The following PDE1C variants were observed in gnomAD, a reference collection of about 807,000 sequenced individuals.
PDE1C encodes the protein phosphodiesterase 1C.
In PDE1C, 62 loss-of-function variants were observed where a neutral mutation model predicts 93.1. The observed-to-expected ratio is 0.67, with a 90% confidence interval of 0.54 to 0.82. The LOEUF is 0.82. PDE1C is among the 40% of genes least tolerant of loss of function. PDE1C has a pLI of 0.00. For missense variants in PDE1C, 742 were observed against 884.6 expected (o/e 0.84, Z 2.04); for synonymous variants, 325 against 310.1 (o/e 1.05, Z -0.50).
At chr7:32,141,271 G>A (rs889373719) in intron 3 of PDE1C, among the ~76,000 whole-genome samples, 2 of 152,164 alleles carry the variant, frequency 1.3e-5, no homozygotes, top group Non-Finnish European at 2.9e-5. Context: ...GTTCAATGCT[G>A]TAATGTGCTA....
upstream of PDE1C, among the ~76,000 whole-genome samples, chr7:32,075,527 G>A (rs905068229): frequency 5.9e-5 from 9 of 152,024 alleles, no homozygotes; most frequent in African/African-American, 9.7e-5. Context: ...TCCCTCTGAC[G>A]TCTTTTTCTG....
chr7:32,347,447 G>A (rs1443733185), intron 1 of PDE1C, among the ~76,000 whole-genome samples: 2 of 151,868 alleles, frequency 1.3e-5, no homozygotes, highest in African/African-American at 4.8e-5. Context: ...CCTGCCCCCT[G>A]GTGGTCATGC....
In PDE1C at chr7:31,890,841, G is replaced by T. The variant is rs140669050; in HGVS notation, c.129-9981C>A. 1.4e-3 allele frequency among the ~76,000 whole-genome samples: 208 copies of T among 151,766 alleles called. 2 individuals carry two copies. The highest frequency in any genetic ancestry group is 4.8e-3 in the African/African-American group (199 of 41,110). Reference sequence around the variant, plus strand: ...TAGGAAAAAAACCTCAAAGAAAACCGTGAGAAACCTCTAAGGTGACCTGAG... The same window carrying T: ...TAGGAAAAAAACCTCAAAGAAAACCTTGAGAAACCTCTAAGGTGACCTGAG... On this transcript the variant is annotated intron_variant, in intron 2 of 17. Coordinates refer to ENST00000396191, the MANE Select transcript of PDE1C (RefSeq NM_001191057.4).
chr7:32,259,392 G>A (rs1014181070), intron 1 of PDE1C, among the ~76,000 whole-genome samples: 5 of 152,106 alleles, frequency 3.3e-5, no homozygotes, highest in African/African-American at 1.2e-4. Context: ...AAAGGTACAG[G>A]ACAAATGTCT....
At chr7:32,391,340 A>G (rs1336117680) in intron 1 of PDE1C, among the ~76,000 whole-genome samples, 1 of 152,178 alleles carries the variant, frequency 6.6e-6, no homozygotes, top group Non-Finnish European at 1.5e-5. Flanking sequence ...ACAAAGCCCC[A>G]ATACACATGA....
At chr7:32,271,522 T>C (rs112378689) in intron 1 of PDE1C, among the ~76,000 whole-genome samples, 7 of 152,192 alleles carry the variant, frequency 4.6e-5, no homozygotes, top group Admixed American at 1.3e-4. Context: ...TGTGAGTGGG[T>C]AGTTTTTACT....
In PDE1C at chr7:31,837,290, G is replaced by C; in HGVS notation, c.1093C>G (p.Pro365Ala). The change falls in exon 11 of 18, where the codon CCA (proline) becomes GCA (alanine). Residue 365 changes from proline to alanine, a missense_variant. Transcript: ENST00000396191. ...ALQQPEAIEK[P>A]KALSLMLHTA... The stretch of plus-strand genomic sequence containing the variant: ...TGCAGCATAAGGGATAAGGCTTTTG[G>C]CTTTTCAATGCTGTAAACCAAAAGC... 1 of 1,608,714 alleles carries C rather than the reference G, an allele frequency of 6.2e-7. No individual in the cohort carries two copies. The highest frequency in any genetic ancestry group is 8.5e-7 in the Non-Finnish European group (1 of 1,177,022).
At chr7:31,757,293 G>C (rs1209276898) in intron 17 of PDE1C, among the ~76,000 whole-genome samples, 1 of 152,170 alleles carries the variant, frequency 6.6e-6, no homozygotes, top group Non-Finnish European at 1.5e-5. Flanking sequence ...GGTTATCTCT[G>C]AGTAGCATAA....
At chr7:32,423,772 TGTTG>T (rs1365083367) in intron 1 of PDE1C, among the ~76,000 whole-genome samples, 1 of 152,206 alleles carries the variant, frequency 6.6e-6, no homozygotes, top group African/African-American at 2.4e-5. Flanking sequence ...ATTTGATGAA[TGTTG>T]GCTACACTTT....
the PDE1C span, among the ~76,000 whole-genome samples, chr7:31,638,948 G>C: frequency 3.3e-5 from 5 of 151,924 alleles, no homozygotes; most frequent in African/African-American, 4.8e-5. Context: ...GCTAATTTTT[G>C]TATTTTTTGG....
chr7:32,272,138 A>G (rs1362710896), intron 1 of PDE1C, among the ~76,000 whole-genome samples: 1 of 152,218 alleles, frequency 6.6e-6, no homozygotes, highest in Non-Finnish European at 1.5e-5. Context: ...GCCTTGTGTG[A>G]TCAGCCAGAG....
chr7:31,623,909 CA>C, the PDE1C span, among the ~76,000 whole-genome samples: 1,134 of 151,714 alleles, frequency 7.5e-3, 16 homozygotes, highest in African/African-American at 0.026. Context: ...AGCTGATAAG[CA>C]ACTTCAGCAA....
Position 32,331,784 on chromosome 7 carries a change from G to A in PDE1C, c.310+96038C>T, listed in dbSNP as rs147019617. On this transcript the variant is annotated intron_variant, in intron 1 of 1. Transcript: ENST00000672256. The stretch of plus-strand genomic sequence containing the variant: ...GGAAATAACTCCCAAGTTTGGGACT[G>A]AACAAGGTCATCTGAAAAATCTGAG... Among the ~76,000 whole-genome samples the A allele has an allele frequency of 3.2e-3, 488 of 152,302 alleles. 3 individuals are homozygous for A. The highest frequency in any genetic ancestry group is 0.011 in the African/African-American group (459 of 41,556).
At chr7:31,814,117 T>A (rs1787916757) in intron 15 of PDE1C, among the ~76,000 whole-genome samples, 1 of 147,060 alleles carries the variant, frequency 6.8e-6, no homozygotes, top group South Asian at 2.1e-4. Context: ...TCACAATTTC[T>A]TTATCCATTC....
chr7:31,693,753 A>G, the PDE1C span, among the ~76,000 whole-genome samples: 1 of 152,238 alleles, frequency 6.6e-6, no homozygotes, highest in Non-Finnish European at 1.5e-5. Context: ...CATTTTAAGG[A>G]AATTTACCTG....
chr7:32,177,806 A>C (rs56138531), intron 2 of PDE1C, among the ~76,000 whole-genome samples: 19,301 of 152,066 alleles, frequency 0.13, 1,291 homozygotes, highest in Middle Eastern at 0.19. Context: ...TGCGTGTAAC[A>C]CACTATCTTT....
the PDE1C span, among the ~76,000 whole-genome samples, chr7:31,705,614 A>G: frequency 1.9e-4 from 29 of 152,196 alleles, no homozygotes; most frequent in Non-Finnish European, 8.8e-5. Flanking sequence ...AATAGTCATT[A>G]AGATCAACAC....
At chr7:31,882,653 A>C (rs548121139) in intron 2 of PDE1C, among the ~76,000 whole-genome samples, 57 of 152,356 alleles carry the variant, frequency 3.7e-4, no homozygotes, top group African/African-American at 1.3e-3. Flanking sequence ...TAAGAGTAAA[A>C]TTAAACTTCT....
In PDE1C at chr7:31,837,876, G is replaced by A. The variant is rs770106484; in HGVS notation, c.1076C>T (p.Pro359Leu). Reference sequence around the variant, plus strand: ...AAGCCACAAGCACACTTACGCTTCTGGCTGCTGCAGAGCAGTCTTCATTGC... The same window carrying A: ...AAGCCACAAGCACACTTACGCTTCTAGCTGCTGCAGAGCAGTCTTCATTGC... ...IKAMKTALQQ[P>L]EAIEKPKALS... The change falls in exon 10 of 18, where the codon CCA becomes CTA. Residue 359 changes from proline (P) to leucine (L), a missense_variant. Around this residue, in one of 4 missense-constraint regions of PDE1C, gnomAD observed 454 missense variants for 459.4 expected, o/e 0.99. Transcript: ENST00000396191. 6.2e-7 allele frequency: 1 copy of A among 1,609,932 alleles called. No individual in the cohort carries two copies. The highest frequency in any genetic ancestry group is 8.5e-7 in the Non-Finnish European group (1 of 1,176,316).
Sources: gnomAD v4.1 joint callset for allele counts (sites outside exome capture counted in the v4.1 genomes callset) on GRCh38, gnomAD v4.1.1 for gene constraint, gnomAD v4.1.1 regional missense constraint, MANE v1.5 for transcripts, NCBI Gene and HGNC (gene_info 2026-07-23, HGNC 2026-07-21) for gene names.